Variants in CDH13 observed in about 807,000 individuals in gnomAD.
CDH13 encodes cadherin 13, also known as cadherin-13.
A neutral mutation model predicts 63.8 loss-of-function variants in CDH13; 24 were observed. The observed-to-expected ratio is 0.38, with a 90% CI of 0.27 to 0.53. The LOEUF (loss-of-function observed/expected upper bound fraction) is 0.53, where lower values mean the gene tolerates loss of function less well. Among genes scored for constraint, CDH13 ranks in the 20% least tolerant of loss-of-function variants. CDH13 has a pLI of 0.85. For synonymous variants in CDH13, 503 were observed against 355.3 expected, an observed-to-expected ratio of 1.42 and a Z score of -4.67; for missense variants, 1,049 against 903.1, an observed-to-expected ratio of 1.16 and a Z score of -2.07.
intron 5 of CDH13, among the ~76,000 whole-genome samples, chr16:83,282,649 T>G (rs2089208995): frequency 6.6e-6 from 1 of 152,216 alleles, no homozygotes; most frequent in South Asian, 2.1e-4. Flanking sequence ...AGAGCTCCTG[T>G]AAATCAACAA....
At chr16:82,979,466 G>T (rs545962709) in intron 2 of CDH13, among the ~76,000 whole-genome samples, 1 of 152,076 alleles carries the variant, frequency 6.6e-6, no homozygotes, top group Non-Finnish European at 1.5e-5. Context: ...GAGACGACTG[G>T]ATCATGGGGG....
At chr16:82,669,865 A>C (rs1270849600) in intron 1 of CDH13, among the ~76,000 whole-genome samples, 4 of 152,200 alleles carry the variant, frequency 2.6e-5, no homozygotes, top group Admixed American at 1.3e-4. Context: ...GGATCTCTAT[A>C]AGGCAGCTTA....
At chr16:82,971,178 A>C (rs1485779277) in intron 2 of CDH13, among the ~76,000 whole-genome samples, 1 of 152,182 alleles carries the variant, frequency 6.6e-6, no homozygotes, top group Non-Finnish European at 1.5e-5. Context: ...GATGACTCTA[A>C]GGCTTATGTT....
chr16:83,744,603 C>T (rs1912393437), intron 10 of CDH13, among the ~76,000 whole-genome samples: 1 of 152,140 alleles, frequency 6.6e-6, no homozygotes, highest in African/African-American at 2.4e-5. Flanking sequence ...TGAAACATTC[C>T]AGGGGACCGT....
At chr16:82,851,769 C>A (rs1049397246) in intron 1 of CDH13, among the ~76,000 whole-genome samples, 8 of 152,076 alleles carry the variant, frequency 5.3e-5, no homozygotes, top group Admixed American at 5.2e-4. Context: ...TTTGTAAACC[C>A]TTCCAGGACT....
chr16:83,073,340 TGTGTGTGTGTGTGTGA>T lies in CDH13; in HGVS notation c.366+41124_366+41139del, dbSNP rs1322274756. 3.7e-3 allele frequency among the ~76,000 whole-genome samples: 495 copies of T among 134,276 alleles called. 3 individuals carry two copies. The highest frequency in any genetic ancestry group is 5.9e-3 in the Non-Finnish European group (379 of 63,726). 88.1% of individuals were successfully genotyped at this position (134,276 alleles called of 152,430 possible). ...GTGTGTCTGTGTGTGTGTGTGTGTGTGTGTGTGTGTGTGTGAGAGAGAGAGAGAGAGAGAGAGCTTT... is the reference window on the plus strand; with the variant it reads ...GTGTGTCTGTGTGTGTGTGTGTGTGTGAGAGAGAGAGAGAGAGAGAGCTTT... On this transcript the variant is annotated intron_variant, in intron 3 of 13. Coordinates refer to ENST00000567109, the MANE Select transcript of CDH13 (RefSeq NM_001257.5).
At chr16:83,154,780 G>C (rs1157044122) in intron 4 of CDH13, among the ~76,000 whole-genome samples, 1 of 152,122 alleles carries the variant, frequency 6.6e-6, no homozygotes, top group East Asian at 1.9e-4. Context: ...AAAAGATAAA[G>C]ATTTTTGGCC....
chr16:83,489,145 A>C (rs899355448), intron 7 of CDH13, among the ~76,000 whole-genome samples: 9 of 152,214 alleles, frequency 5.9e-5, no homozygotes, highest in Non-Finnish European at 8.8e-5. Context: ...TTGTTCTGAG[A>C]GAAAATATTT....
chr16:83,635,767 A>C (rs2325960), intron 8 of CDH13, among the ~76,000 whole-genome samples: 148,830 of 152,228 alleles, frequency 0.98, 72,851 homozygotes, highest in East Asian at 1. Context: ...TCTGTTCGTT[A>C]TCTTAATAGA....
At chr16:82,678,610 G>A (rs1453389899) in intron 1 of CDH13, among the ~76,000 whole-genome samples, 1 of 152,188 alleles carries the variant, frequency 6.6e-6, no homozygotes, top group Non-Finnish European at 1.5e-5. Flanking sequence ...AATCTCTGCT[G>A]CTGATTTACT....
intron 4 of CDH13, among the ~76,000 whole-genome samples, chr16:83,180,139 GT>G (rs201494723): frequency 1.3e-5 from 2 of 151,036 alleles, no homozygotes; most frequent in East Asian, 1.9e-4. Context: ...TAAAAGTAAG[GT>G]TTTTTTTGTT....
chr16:83,190,924 AC>A (rs1316244649), intron 4 of CDH13, among the ~76,000 whole-genome samples: 1 of 151,838 alleles, frequency 6.6e-6, no homozygotes, highest in Non-Finnish European at 1.5e-5. Context: ...GCTGGCCAAA[AC>A]GACTCTCCCG....
At chr16:82,791,778 C>A (rs1054606574) in intron 1 of CDH13, among the ~76,000 whole-genome samples, 1 of 152,182 alleles carries the variant, frequency 6.6e-6, no homozygotes, top group Non-Finnish European at 1.5e-5. Flanking sequence ...CTGGGCTGAA[C>A]ACTAGTTGCT....
At chr16:83,144,188 G>A (rs1180953044) in intron 4 of CDH13, among the ~76,000 whole-genome samples, 2 of 152,122 alleles carry the variant, frequency 1.3e-5, no homozygotes, top group Non-Finnish European at 2.9e-5. Context: ...CTACAGATGT[G>A]GTAAGTGATT....
intron 5 of CDH13, among the ~76,000 whole-genome samples, chr16:83,247,411 A>G (rs1433159281): frequency 6.6e-6 from 1 of 152,110 alleles, no homozygotes; most frequent in East Asian, 1.9e-4. Context: ...AGTTTAGTGC[A>G]TATCCCACTC....
At chr16:83,631,758 C>G (rs1405666025) in intron 8 of CDH13, among the ~76,000 whole-genome samples, 1 of 152,182 alleles carries the variant, frequency 6.6e-6, no homozygotes, top group Non-Finnish European at 1.5e-5. Flanking sequence ...GTCTGTCTGC[C>G]TGTGTTGTCA....
intron 2 of CDH13, among the ~76,000 whole-genome samples, chr16:82,995,961 C>G (rs1279086866): frequency 4.6e-5 from 7 of 152,152 alleles, no homozygotes; most frequent in African/African-American, 1.4e-4. Context: ...TTTATCAAAA[C>G]CATGCATCGC....
chr16:83,662,961 G>C (rs1397303101), intron 8 of CDH13, among the ~76,000 whole-genome samples: 1 of 152,074 alleles, frequency 6.6e-6, no homozygotes, highest in Non-Finnish European at 1.5e-5. Context: ...TTGAGTCCCA[G>C]AAAAAAATCT....
At chr16:83,091,282 T>A (rs1338867250) in intron 3 of CDH13, among the ~76,000 whole-genome samples, 1 of 151,910 alleles carries the variant, frequency 6.6e-6, no homozygotes, top group Non-Finnish European at 1.5e-5. Context: ...AAAAAAAAAA[T>A]TCCATGAGCA....
Sources: gnomAD v4.1 joint callset for allele counts (sites outside exome capture counted in the v4.1 genomes callset) on GRCh38, gnomAD v4.1.1 for gene constraint, MANE v1.5 for transcripts, NCBI Gene and HGNC (gene_info 2026-07-23, HGNC 2026-07-21) for gene names.